Variants in MREG observed in about 807,000 individuals in gnomAD.
The protein encoded by MREG is melanoregulin.
In MREG, 31 loss-of-function variants were observed where a neutral mutation model predicts 28.5. The observed-to-expected ratio is 1.09, with a 90% confidence interval of 0.82 to 1.47. The LOEUF (loss-of-function observed/expected upper bound fraction) is 1.47. MREG is among the 40% of genes most tolerant of loss of function. MREG has a pLI of 0.00. For missense variants in MREG, 256 were observed against 257.4 expected (o/e 0.99, Z 0.04); for synonymous variants, 106 against 95.2 (o/e 1.11, Z -0.66).
upstream of MREG, among the ~76,000 whole-genome samples, chr2:216,015,282 G>C (rs1694429106): frequency 1.3e-5 from 2 of 152,150 alleles, no homozygotes; most frequent in South Asian, 4.1e-4. Context: ...ACTGTGACAT[G>C]TAAGAAAAAC....
chr2:215,996,547 C>A, intron 1 of MREG, 82 bp from the exon 2 acceptor site: 1 of 996,526 alleles, frequency 1.0e-6, no homozygotes, highest in Non-Finnish European at 1.5e-6. Context: ...CATACAATAT[C>A]AATTAAAACT....
At chr2:216,021,523 C>T (rs1694520912) in intron 1 of MREG, among the ~76,000 whole-genome samples, 3 of 152,212 alleles carry the variant, frequency 2.0e-5, no homozygotes, top group Admixed American at 2.0e-4. Context: ...CACCCTGCAA[C>T]TGTACAACCC....
At chr2:215,965,844 G>T (rs1012900531) in intron 2 of MREG, among the ~76,000 whole-genome samples, 1 of 152,178 alleles carries the variant, frequency 6.6e-6, no homozygotes. Flanking sequence ...AGGAAAAAAG[G>T]AATGAAGGCA....
intron 1 of MREG, among the ~76,000 whole-genome samples, chr2:216,004,971 G>A (rs1694111141): frequency 1.3e-5 from 2 of 152,144 alleles, no homozygotes; most frequent in African/African-American, 4.8e-5. Context: ...GAGTCTTCAA[G>A]GCAGGGCAGG....
At chr2:215,949,093 A>C (rs527979870) in intron 2 of MREG, among the ~76,000 whole-genome samples, 1,751 of 144,486 alleles carry the variant, frequency 0.012, 17 homozygotes, top group African/African-American at 0.022. Flanking sequence ...ACTACTAATA[A>C]TAATAATAAT....
At chr2:215,947,374 C>T (rs1692349912) in intron 2 of MREG, among the ~76,000 whole-genome samples, 1 of 152,194 alleles carries the variant, frequency 6.6e-6, no homozygotes, top group Non-Finnish European at 1.5e-5. Flanking sequence ...TACATATTCT[C>T]TCAATTTAGT....
In MREG at chr2:215,945,595, G is replaced by A; in HGVS notation, c.486C>T (p.Leu162=). ...CCACAACAAAGAGATATCTCTCTGAGAGCTCCCAACTTGTTGGGAAAATAT... is the reference window on the plus strand; with the variant it reads ...CCACAACAAAGAGATATCTCTCTGAAAGCTCCCAACTTGTTGGGAAAATAT... The part of the protein sequence containing the change: ...ETNIFPTSWE[L]SERYLFVVDR... The change falls in exon 4 of 5, where the codon CTC becomes CTT. Residue 162 remains leucine, a synonymous_variant. Transcript: ENST00000263268. 6.2e-7 allele frequency: 1 copy of A among 1,613,854 alleles called. No homozygotes were observed. The highest frequency in any genetic ancestry group is 8.5e-7 in the Non-Finnish European group (1 of 1,179,826).
chr2:215,997,241 C>A (rs558371106), intron 1 of MREG, among the ~76,000 whole-genome samples: 5 of 152,144 alleles, frequency 3.3e-5, no homozygotes, highest in Non-Finnish European at 5.9e-5. Context: ...AATAAACATG[C>A]GTACCCAAAG....
At chr2:215,984,635 T>G (rs1412016393) in intron 2 of MREG, among the ~76,000 whole-genome samples, 1 of 150,044 alleles carries the variant, frequency 6.7e-6, no homozygotes, top group Non-Finnish European at 1.5e-5. Context: ...CTAAAACAGG[T>G]CAGAGAACAC....
At chr2:215,953,561 T>G (rs113982231) in intron 2 of MREG, among the ~76,000 whole-genome samples, 4,769 of 152,274 alleles carry the variant, frequency 0.031, 239 homozygotes, top group African/African-American at 0.1. Flanking sequence ...TCCTGCACAA[T>G]GTGATATGAA....
intron 1 of MREG, among the ~76,000 whole-genome samples, chr2:216,023,218 T>C (rs1016128922): frequency 4.5e-4 from 68 of 152,326 alleles, no homozygotes; most frequent in African/African-American, 1.6e-3. Context: ...AACCTTCCTA[T>C]AATCCTCTGT....
At chr2:215,984,668 G>C (rs1693519922) in intron 2 of MREG, among the ~76,000 whole-genome samples, 1 of 152,050 alleles carries the variant, frequency 6.6e-6, no homozygotes, top group African/African-American at 2.4e-5. Flanking sequence ...AGAAGGGATG[G>C]AACAGAGTAG....
At chr2:216,010,684 G>A (rs565485923) in intron 1 of MREG, among the ~76,000 whole-genome samples, 3 of 151,950 alleles carry the variant, frequency 2.0e-5, no homozygotes, top group Admixed American at 1.3e-4. Flanking sequence ...AAGCCACTAC[G>A]TTTATGGGAA....
At chr2:215,971,429 G>C (rs1308799678) in intron 2 of MREG, among the ~76,000 whole-genome samples, 2 of 152,124 alleles carry the variant, frequency 1.3e-5, no homozygotes, top group East Asian at 3.8e-4. Flanking sequence ...TGTACCCTAA[G>C]GTGCTTTTTA....
upstream of MREG, among the ~76,000 whole-genome samples, chr2:216,014,522 G>A (rs539592634): frequency 7.2e-5 from 11 of 152,032 alleles, 1 homozygote; most frequent in African/African-American, 2.7e-4. Context: ...GGTGGCGGGC[G>A]CCTGTAGTCC....
At chr2:215,990,875 G>A (rs999168572) in intron 2 of MREG, among the ~76,000 whole-genome samples, 2 of 152,160 alleles carry the variant, frequency 1.3e-5, no homozygotes, top group Non-Finnish European at 2.9e-5. Flanking sequence ...CCCAATACAG[G>A]AGCACCCAGA....
intron 1 of MREG, among the ~76,000 whole-genome samples, chr2:216,028,984 C>G (rs1056467791): frequency 6.6e-6 from 1 of 152,096 alleles, no homozygotes; most frequent in South Asian, 2.1e-4. Context: ...GGTTTTCCCC[C>G]CATTGGAATA....
intron 2 of MREG, among the ~76,000 whole-genome samples, chr2:215,970,340 C>A (rs891532363): frequency 1.3e-5 from 2 of 152,148 alleles, no homozygotes; most frequent in African/African-American, 2.4e-5. Context: ...AGACTTCTTG[C>A]CCCCAGAACT....
In MREG at chr2:215,947,133, T is replaced by A; in HGVS notation, c.256-20A>T. On this transcript the variant is annotated intron_variant, in intron 2 of 4. Transcript: ENST00000263268. The stretch of plus-strand genomic sequence containing the variant: ...CCACTCCTGCAGGAAAATAAAAGTT[T>A]AGTTTTATTTATACCCCTTGGCTTA... 1.3e-6 allele frequency: 2 copies of A among 1,530,738 alleles called. No homozygotes were observed. Among genetic ancestry groups the A allele is most frequent in the Non-Finnish European group, 1.8e-6 (2 of 1,109,422 alleles). 94.8% of individuals were successfully genotyped at this position (1,530,738 alleles called of 1,614,324 possible).
Sources: allele counts gnomAD v4.1 joint callset (sites outside exome capture counted in the v4.1 genomes callset), GRCh38; gene constraint gnomAD v4.1.1; transcripts MANE v1.5; gene names NCBI Gene and HGNC (gene_info 2026-07-23, HGNC 2026-07-21).